WWOX: variants seen among roughly 807,000 people sequenced by gnomAD.
The protein encoded by WWOX is WW domain-containing oxidoreductase.
WWOX carries 69 observed loss-of-function variants against 46.2 expected under a neutral mutation model. That is an observed-to-expected ratio of 1.49 (90% CI 1.23 to 1.82). WWOX has a LOEUF of 1.82. WWOX is among the 40% of genes most tolerant of loss of function. The pLI is 0.00. For missense variants in WWOX, 919 were observed against 542.6 expected, an observed-to-expected ratio of 1.69 and a Z score of -6.89; for synonymous variants, 359 against 202.6, an observed-to-expected ratio of 1.77 and a Z score of -6.56.
At chr16:78,629,428 A>C (rs1036426325) in intron 8 of WWOX, among the ~76,000 whole-genome samples, 25 of 152,140 alleles carry the variant, frequency 1.6e-4, no homozygotes, top group African/African-American at 6.0e-4. Context: ...CTCTCTTGAA[A>C]TCCCTTCTTC....
chr16:78,805,370 C>G (rs796160402), intron 8 of WWOX, among the ~76,000 whole-genome samples: 1 of 152,154 alleles, frequency 6.6e-6, no homozygotes, highest in East Asian at 1.9e-4. Context: ...ATGCCATTCT[C>G]CTGTCTCAGC....
chr16:79,210,252 C>T (rs899868794), intron 8 of WWOX, among the ~76,000 whole-genome samples: 5 of 152,208 alleles, frequency 3.3e-5, no homozygotes, highest in African/African-American at 1.2e-4. Flanking sequence ...ACAATGACAA[C>T]AACAAACCCA....
chr16:78,129,940 T>A (rs1205041146), intron 4 of WWOX: 1 of 152,102 alleles, frequency 6.6e-6, no homozygotes, highest in Non-Finnish European at 1.5e-5. Context: ...CCCCATGTCT[T>A]GTGGGAGGGA....
intron 8 of WWOX, among the ~76,000 whole-genome samples, chr16:78,614,868 G>A (rs2045983022): frequency 6.6e-6 from 1 of 152,162 alleles, no homozygotes; most frequent in Admixed American, 6.5e-5. Context: ...ATGTGCCATG[G>A]TGGTTTGCTG....
At chr16:79,003,706 C>G (rs564950958) in intron 8 of WWOX, among the ~76,000 whole-genome samples, 1 of 152,272 alleles carries the variant, frequency 6.6e-6, no homozygotes, top group African/African-American at 2.4e-5. Context: ...GCACCGTGGT[C>G]TCAGGGTGAT....
chr16:78,870,013 C>A (rs1054229791), intron 8 of WWOX, among the ~76,000 whole-genome samples: 10 of 152,220 alleles, frequency 6.6e-5, no homozygotes, highest in African/African-American at 9.6e-5. Context: ...CTCCACTGAT[C>A]TGTCTTCCAG....
chr16:78,468,626 G>T (rs1034625990), intron 8 of WWOX, among the ~76,000 whole-genome samples: 1 of 152,104 alleles, frequency 6.6e-6, no homozygotes, highest in African/African-American at 2.4e-5. Flanking sequence ...TAAAGACTTA[G>T]TACACATCCC....
At chr16:78,567,552 CAAA>C (rs71272440) in intron 8 of WWOX, among the ~76,000 whole-genome samples, 10 of 52,132 alleles carry the variant, frequency 1.9e-4, no homozygotes, top group Admixed American at 1.3e-3. Flanking sequence ...GACTCCGTCT[CAAA>C]AAAAAAAAAA....
intron 8 of WWOX, among the ~76,000 whole-genome samples, chr16:79,108,769 C>T (rs1034759252): frequency 3.9e-5 from 6 of 151,904 alleles, no homozygotes; most frequent in African/African-American, 7.3e-5. Flanking sequence ...GGTGTAGTGG[C>T]GTGTGCCTGT....
chr16:78,768,440 A>G (rs377060495), intron 8 of WWOX, among the ~76,000 whole-genome samples: 13 of 152,042 alleles, frequency 8.6e-5, no homozygotes, highest in Non-Finnish European at 1.5e-4. Context: ...AAATACAACA[A>G]TTAGCCAGGT....
At chr16:79,139,517 A>G (rs1338609434) in intron 8 of WWOX, among the ~76,000 whole-genome samples, 12 of 152,124 alleles carry the variant, frequency 7.9e-5, no homozygotes, top group Admixed American at 7.9e-4. Context: ...ATTTTTACTG[A>G]TGTCCAAACA....
chr16:78,503,626 T>G (rs1224768156), intron 8 of WWOX: 1 of 152,176 alleles, frequency 6.6e-6, no homozygotes, highest in East Asian at 1.9e-4. Context: ...GAAATAAGAT[T>G]TCTTCTTAAA....
At chr16:78,449,279 C>T (rs1040657623) in intron 8 of WWOX, among the ~76,000 whole-genome samples, 2 of 152,136 alleles carry the variant, frequency 1.3e-5, no homozygotes, top group African/African-American at 4.8e-5. Context: ...ATGAAAGTCA[C>T]AGTTCTTTGT....
At chr16:78,916,336 A>G (rs1021652976) in intron 8 of WWOX, among the ~76,000 whole-genome samples, 3 of 152,198 alleles carry the variant, frequency 2.0e-5, no homozygotes, top group African/African-American at 7.2e-5. Context: ...CAATAATACC[A>G]TGCTTTCAAG....
chr16:78,673,555 G>C (rs1338100044), intron 8 of WWOX, among the ~76,000 whole-genome samples: 1 of 152,174 alleles, frequency 6.6e-6, no homozygotes, highest in Admixed American at 6.5e-5. Context: ...GCTTCTGGAT[G>C]GTTGAAGGGG....
chr16:79,046,841 C>T (rs751633660), intron 8 of WWOX, among the ~76,000 whole-genome samples: 3 of 152,186 alleles, frequency 2.0e-5, no homozygotes, highest in Non-Finnish European at 4.4e-5. Flanking sequence ...GTGTCCAACT[C>T]TTCTTCCATT....
intron 8 of WWOX, among the ~76,000 whole-genome samples, chr16:78,911,790 C>A (rs567781424): frequency 6.6e-6 from 1 of 151,980 alleles, no homozygotes; most frequent in Non-Finnish European, 1.5e-5. Flanking sequence ...CACTTGAACC[C>A]GGGAAGCGGA....
intron 8 of WWOX, among the ~76,000 whole-genome samples, chr16:79,141,955 C>G (rs1013122604): frequency 4.6e-5 from 7 of 152,160 alleles, no homozygotes; most frequent in African/African-American, 1.7e-4. Context: ...TTGTGATAAG[C>G]CCGTCTAGCA....
chr16:78,819,240 C>A (rs1015690037), intron 8 of WWOX, among the ~76,000 whole-genome samples: 39 of 152,148 alleles, frequency 2.6e-4, no homozygotes, highest in African/African-American at 7.7e-4. Flanking sequence ...TTCAGTGACC[C>A]CCAGTGAGGC....
Sources: gnomAD v4.1 joint callset for allele counts (sites outside exome capture counted in the v4.1 genomes callset) on GRCh38, gnomAD v4.1.1 for gene constraint, MANE v1.5 for transcripts, NCBI Gene and HGNC (gene_info 2026-07-23, HGNC 2026-07-21) for gene names.